Variants in PIK3CG observed in about 807,000 individuals in gnomAD.
PIK3CG encodes phosphatidylinositol-4,5-bisphosphate 3-kinase catalytic subunit gamma.
In PIK3CG, 55 loss-of-function variants were observed where a neutral mutation model predicts 102.3. The observed-to-expected ratio is 0.54, with a 90% CI of 0.43 to 0.67. PIK3CG has a LOEUF of 0.67. Among genes scored for constraint, PIK3CG ranks in the 30% least tolerant of loss-of-function variants. The probability of loss-of-function intolerance (pLI) is 0.00; values close to 1 mark genes in which losing one functional copy is unlikely to be tolerated. For missense variants in PIK3CG, 1,258 were observed against 1,391.8 expected (o/e 0.90, Z 1.53); for synonymous variants, 552 against 540.0 (o/e 1.02, Z -0.31).
chr7:106,907,754 A>G lies in PIK3CG; in HGVS notation c.*2367A>G, dbSNP rs1341655996. 7.0e-6 allele frequency among the ~76,000 whole-genome samples: 1 copy of G among 143,444 alleles called. No individual in the cohort carries two copies. Among genetic ancestry groups the G allele is most frequent in the Non-Finnish European group, 1.5e-5 (1 of 65,144 alleles). 94.1% of individuals were successfully genotyped at this position (143,444 alleles called of 152,430 possible). On this transcript the variant is annotated 3_prime_UTR_variant, in exon 11 of 11. Transcript: ENST00000496166. The stretch of plus-strand genomic sequence containing the variant: ...TATATATATATAACATATATATGCT[A>G]ATATATATATAACATATATATGCTA...
At chr7:106,871,559 T>C (rs1330165207) in intron 2 of PIK3CG, among the ~76,000 whole-genome samples, 1 of 152,218 alleles carries the variant, frequency 6.6e-6, no homozygotes, top group African/African-American at 2.4e-5. Context: ...GGATACACCA[T>C]TTCTATTCAT....
In PIK3CG at chr7:106,907,561, A is replaced by G. The variant is rs1302268656; in HGVS notation, c.*2174A>G. ...GATGTTTTCACTATTCTGATAAACAATAGCCAAGTTCAGACCTTGTACAGA... is the reference window on the plus strand; with the variant it reads ...GATGTTTTCACTATTCTGATAAACAGTAGCCAAGTTCAGACCTTGTACAGA... On this transcript the variant is annotated 3_prime_UTR_variant, in exon 11 of 11. Transcript: ENST00000496166. Among the ~76,000 whole-genome samples, 1 of 152,122 alleles carries G rather than the reference A, an allele frequency of 6.6e-6. No homozygotes were observed. Among genetic ancestry groups the G allele is most frequent in the Non-Finnish European group, 1.5e-5 (1 of 68,020 alleles).
In PIK3CG at chr7:106,903,716, TAA is replaced by T. The variant is rs1218539920; in HGVS notation, c.3031-1392_3031-1391del. Among the ~76,000 whole-genome samples, 5 of 150,956 alleles carry T rather than the reference TAA, an allele frequency of 3.3e-5. No homozygotes were observed. The highest frequency in any genetic ancestry group is 4.4e-5 in the Non-Finnish European group (3 of 67,864). The stretch of plus-strand genomic sequence containing the variant: ...AGACAATTAGGTCATTTGTAAATAA[TAA>T]GTTTTCCTTCACTTTTCTGATTTTA... On this transcript the variant is annotated intron_variant, in intron 10 of 10. Coordinates refer to ENST00000496166, the MANE Select transcript of PIK3CG (RefSeq NM_001282426.2). The surrounding 1 kb of genome is among the most constrained non-coding windows in gnomAD (Gnocchi z 4.3).
In PIK3CG at chr7:106,902,618, G is replaced by C. The variant is rs1791588252; in HGVS notation, c.3031-2491G>C. ...AGTTACTTTTTTTAATATTAATGAA[G>C]TTGCATTTTTTTTGTAGGTTTATCT... On this transcript the variant is annotated intron_variant, in intron 10 of 10. Transcript: ENST00000496166. The surrounding 1 kb of genome is among the most constrained non-coding windows in gnomAD (Gnocchi z 4.3). Among the ~76,000 whole-genome samples the C allele has an allele frequency of 6.7e-6, 1 of 150,126 alleles. No homozygotes were observed. The highest frequency in any genetic ancestry group is 1.5e-5 in the Non-Finnish European group (1 of 67,648).
rs1479410826 is a variant in PIK3CG at position 106,884,448 on chromosome 7, T to A, written c.2872+182T>A. 6.6e-6 allele frequency among the ~76,000 whole-genome samples: 1 copy of A among 152,160 alleles called. No homozygotes were observed. The highest frequency in any genetic ancestry group is 1.5e-5 in the Non-Finnish European group (1 of 68,036). ...TTTTTCCATCTTCCCCAGCTGAAACTCTGTACCCATTAAACACTAACTCCC... is the reference window on the plus strand; with the variant it reads ...TTTTTCCATCTTCCCCAGCTGAAACACTGTACCCATTAAACACTAACTCCC... On this transcript the variant is annotated intron_variant, in intron 9 of 10. Coordinates refer to ENST00000496166, the MANE Select transcript of PIK3CG (RefSeq NM_001282426.2). This position sits in a 1 kb window ranked among gnomAD's most constrained non-coding sequence, Gnocchi z 4.2.
Position 106,903,015 on chromosome 7 carries a change from A to T in PIK3CG, c.3031-2094A>T, listed in dbSNP as rs1791600855. On this transcript the variant is annotated intron_variant, in intron 10 of 10. Transcript: ENST00000496166. This position sits in a 1 kb window ranked among gnomAD's most constrained non-coding sequence, Gnocchi z 4.3. Reference sequence around the variant, plus strand: ...AGAATTTTATTTTCTCCCCCAAATGATGAGCCACTTGTCCTGGTCCCATTT... The same window carrying T: ...AGAATTTTATTTTCTCCCCCAAATGTTGAGCCACTTGTCCTGGTCCCATTT... Among the ~76,000 whole-genome samples the T allele has an allele frequency of 1.3e-5, 2 of 152,220 alleles. No individual in the cohort carries two copies. Among genetic ancestry groups the T allele is most frequent in the Admixed American group, 1.3e-4 (2 of 15,278 alleles).
intron 4 of PIK3CG, 75 bp downstream of exon 4, chr7:106,873,013 TTTC>T: frequency 8.8e-7 from 1 of 1,132,364 alleles, no homozygotes; most frequent in Non-Finnish European, 1.3e-6. Flanking sequence ...TATAATTCTT[TTTC>T]TTCCTGGAAT....
Position 106,867,997 on chromosome 7 carries a change from G to C in PIK3CG, c.436G>C (p.Glu146Gln), listed in dbSNP as rs200355499. Residue 146 changes from glutamate to glutamine, a missense_variant, in exon 2 of 11, where the codon GAG becomes CAG. Around this residue, in one of 2 missense-constraint regions of PIK3CG, gnomAD observed 832 missense variants for 787.5 expected, o/e 1.06. Transcript: ENST00000496166. The surrounding 1 kb of genome is among the most constrained non-coding windows in gnomAD (Gnocchi z 5.1). ...HLVQRHPPSE[E>Q]SQAFQRQLTA... is the part of the protein sequence containing the mutation. ...GGTGCAGCGGCACCCGCCCTCCGAGGAGTCCCAAGCCTTCCAGCGGCAGCT... is the reference window on the plus strand; with the variant it reads ...GGTGCAGCGGCACCCGCCCTCCGAGCAGTCCCAAGCCTTCCAGCGGCAGCT... 9 of 1,612,360 alleles carry C rather than the reference G, an allele frequency of 5.6e-6. No homozygotes were observed. The highest frequency in any genetic ancestry group is 1.1e-5 in the South Asian group (1 of 91,052).
At chr7:106,896,333 C>T (rs1201131114) in intron 10 of PIK3CG, among the ~76,000 whole-genome samples, 3 of 152,144 alleles carry the variant, frequency 2.0e-5, no homozygotes, top group Admixed American at 2.0e-4. Flanking sequence ...ACAGTGGGCT[C>T]ACACAGCAGG....
chr7:106,884,267 G>A lies in PIK3CG; in HGVS notation c.2872+1G>A, dbSNP rs1791022028. On this transcript the variant is annotated splice_donor_variant, in intron 9 of 10. Transcript: ENST00000496166. LOFTEE classifies it high-confidence loss of function. This position sits in a 1 kb window ranked among gnomAD's most constrained non-coding sequence, Gnocchi z 4.2. The stretch of plus-strand genomic sequence containing the variant: ...GACAATATTATGATCACCGAGACAG[G>A]TGAGTTTATTTAGTGCAGAATAAAC... 2 of 1,595,852 alleles carry A rather than the reference G, an allele frequency of 1.3e-6. No homozygotes were observed. The highest frequency in any genetic ancestry group is 1.7e-6 in the Non-Finnish European group (2 of 1,164,098).
chr7:106,905,406 A>G lies in PIK3CG; in HGVS notation c.*19A>G. 1 of 1,601,092 alleles carries G rather than the reference A, an allele frequency of 6.2e-7. No homozygotes were observed. The highest frequency in any genetic ancestry group is 8.5e-7 in the Non-Finnish European group (1 of 1,172,054). ...AGCCTAATACTTTAGGCTAGAATCA[A>G]AAACAAGTTAGTGTTCTATGGTTTA... On this transcript the variant is annotated 3_prime_UTR_variant, in exon 11 of 11. Transcript: ENST00000496166. The surrounding 1 kb of genome is among the most constrained non-coding windows in gnomAD (Gnocchi z 5.6).
rs779094560 is a variant in PIK3CG, at chr7:106,868,287, C to A, written c.726C>A (p.Gly242=). ...AGGTCTCACCCGACGACACCCCCGGCGCCATCCTGCAGAGCTTCTTCACCA... is the reference window on the plus strand; with the variant it reads ...AGGTCTCACCCGACGACACCCCCGGAGCCATCCTGCAGAGCTTCTTCACCA... The part of the protein sequence containing the change: ...TIKVSPDDTP[G]AILQSFFTKM... The change falls in exon 2 of 11, where the codon GGC becomes GGA. Residue 242 remains glycine (G), a synonymous_variant. Transcript: ENST00000496166. This position sits in a 1 kb window ranked among gnomAD's most constrained non-coding sequence, Gnocchi z 6.2. 5.0e-6 allele frequency: 8 copies of A among 1,614,052 alleles called. No individual in the cohort carries two copies. The highest frequency in any genetic ancestry group is 5.1e-6 in the Non-Finnish European group (6 of 1,180,032).
chr7:106,879,566 T>G lies in PIK3CG; in HGVS notation c.2439T>G (p.Leu813=). 6.2e-7 allele frequency: 1 copy of G among 1,613,550 alleles called. No homozygotes were observed. Among genetic ancestry groups the G allele is most frequent in the Non-Finnish European group, 8.5e-7 (1 of 1,179,520 alleles). The change falls in exon 6 of 11, where the codon CTT becomes CTG. Residue 813 remains leucine, a synonymous_variant. Transcript: ENST00000496166. The surrounding 1 kb of genome is among the most constrained non-coding windows in gnomAD (Gnocchi z 4.9). The part of the protein sequence containing the change: ...VMASKKKPLW[L]EFKCADPTAL... ...CCTCCAAGAAAAAACCACTATGGCT[T>G]GAGTTTAAATGTGCCGATCCTACAG...
intron 5 of PIK3CG, among the ~76,000 whole-genome samples, chr7:106,878,495 G>C (rs1790832620): frequency 2.0e-5 from 3 of 152,114 alleles, no homozygotes; most frequent in Non-Finnish European, 4.4e-5. Context: ...GCTGGACTCT[G>C]GGCTCAGTCT....
At position 106,905,407 on chromosome 7, in the gene PIK3CG, A is replaced by G. The variant is rs849409; in HGVS notation, c.*20A>G. The G allele has an allele frequency of 2.9e-3, 4,604 of 1,600,972 alleles. 112 individuals are homozygous for G. In the African/African-American group the frequency reaches 0.054, roughly 19 times the overall value. On this transcript the variant is annotated 3_prime_UTR_variant, in exon 11 of 11. Coordinates refer to ENST00000496166, the MANE Select transcript of PIK3CG (RefSeq NM_001282426.2). This position sits in a 1 kb window ranked among gnomAD's most constrained non-coding sequence, Gnocchi z 5.6. ...GCCTAATACTTTAGGCTAGAATCAA[A>G]AACAAGTTAGTGTTCTATGGTTTAA...
chr7:106,879,941 C>T lies in PIK3CG; in HGVS notation c.2538+276C>T, dbSNP rs1790883314. On this transcript the variant is annotated intron_variant, in intron 6 of 10. Transcript: ENST00000496166. This position sits in a 1 kb window ranked among gnomAD's most constrained non-coding sequence, Gnocchi z 4.9. ...CACCTAATGTCTTTTTTATACACCC[C>T]ATTCTAAGCTTGATAACATAGAAAA... 1.3e-5 allele frequency among the ~76,000 whole-genome samples: 2 copies of T among 152,174 alleles called. No homozygotes were observed. The highest frequency in any genetic ancestry group is 6.5e-5 in the Admixed American group (1 of 15,278).
chr7:106,868,026 G>A lies in PIK3CG; in HGVS notation c.465G>A (p.Thr155=), dbSNP rs763026770. The A allele has an allele frequency of 6.2e-6, 10 of 1,611,992 alleles. 1 individual carries two copies. Among genetic ancestry groups the A allele is most frequent in the Middle Eastern group, 3.3e-4 (2 of 6,052 alleles). Residue 155 remains threonine, a synonymous_variant, in exon 2 of 11, where the codon ACG becomes ACA. Transcript: ENST00000496166. This position sits in a 1 kb window ranked among gnomAD's most constrained non-coding sequence, Gnocchi z 6.2. The stretch of plus-strand genomic sequence containing the variant: ...CCCAAGCCTTCCAGCGGCAGCTCAC[G>A]GCGCTGATTGGCTATGACGTCACTG... ...EESQAFQRQL[T]ALIGYDVTDV... is the part of the protein sequence containing the mutation.
At chr7:106,896,373 A>C (rs1245590293) in intron 10 of PIK3CG, among the ~76,000 whole-genome samples, 1 of 152,202 alleles carries the variant, frequency 6.6e-6, no homozygotes, top group Non-Finnish European at 1.5e-5. Flanking sequence ...AGTGTATGGA[A>C]GGACAGAAAA....
In PIK3CG at chr7:106,886,182, A is replaced by G. The variant is rs2116561047; in HGVS notation, c.2920A>G (p.Ser974Gly). 6.2e-7 allele frequency: 1 copy of G among 1,614,124 alleles called. No homozygotes were observed. Among genetic ancestry groups the G allele is most frequent in the Non-Finnish European group, 8.5e-7 (1 of 1,179,964 alleles). ...DFGHILGNYKSFLGINKERVP... is the reference protein window; with the variant it reads ...DFGHILGNYKGFLGINKERVP... ...CGGGCACATTCTTGGGAATTACAAA[A>G]GTTTCCTGGGCATTAATAAAGAGAG... Residue 974 changes from serine to glycine, a missense_variant, in exon 10 of 11, where the codon AGT becomes GGT. Around this residue, in one of 2 missense-constraint regions of PIK3CG, gnomAD observed 426 missense variants for 604.2 expected, o/e 0.71. Transcript: ENST00000496166.
Sources: gnomAD v4.1 joint callset for allele counts (sites outside exome capture counted in the v4.1 genomes callset) on GRCh38, gnomAD v4.1.1 for gene constraint, gnomAD v4.1.1 regional missense constraint, Gnocchi (gnomAD v3.1) non-coding constraint, MANE v1.5 for transcripts, NCBI Gene and HGNC (gene_info 2026-07-23, HGNC 2026-07-21) for gene names.